Variants in RAP1GDS1 observed in about 807,000 individuals in gnomAD.
RAP1GDS1 encodes Rap1 GTPase-GDP dissociation stimulator 1.
In RAP1GDS1, 35 loss-of-function variants were observed where a neutral mutation model predicts 71.1. The observed-to-expected ratio is 0.49, with a 90% CI of 0.38 to 0.65. The LOEUF (loss-of-function observed/expected upper bound fraction) is 0.65, where lower values mean the gene tolerates loss of function less well. Ranked by LOEUF, RAP1GDS1 falls within the 30% of genes least tolerant of loss-of-function variation. The pLI is 0.00. For missense variants in RAP1GDS1, 663 were observed against 706.1 expected (o/e 0.94, Z 0.69); for synonymous variants, 229 against 243.1 (o/e 0.94, Z 0.54).
intron 2 of RAP1GDS1, among the ~76,000 whole-genome samples, chr4:98,310,759 G>A (rs1048122326): frequency 2.6e-5 from 4 of 151,922 alleles, no homozygotes; most frequent in Non-Finnish European, 4.4e-5. Context: ...TTGAGCACTT[G>A]AACGGCAAAG....
intron 4 of RAP1GDS1, among the ~76,000 whole-genome samples, chr4:98,361,076 CAA>C (rs1210869882): frequency 7.1e-4 from 58 of 82,028 alleles, no homozygotes; most frequent in Admixed American, 1.0e-3. Context: ...GACTCTGTCT[CAA>C]AAAAAAAAAA....
At chr4:98,374,989 A>G (rs569465629) in intron 4 of RAP1GDS1, among the ~76,000 whole-genome samples, 2 of 152,338 alleles carry the variant, frequency 1.3e-5, no homozygotes, top group South Asian at 2.1e-4. Flanking sequence ...ACAGTGTTGT[A>G]TTATATTCTA....
chr4:98,406,025 T>G (rs1746062086), intron 7 of RAP1GDS1, among the ~76,000 whole-genome samples: 1 of 152,072 alleles, frequency 6.6e-6, no homozygotes, highest in Admixed American at 6.6e-5. Context: ...TTAGTCACTT[T>G]TAACTTTTAA....
intron 4 of RAP1GDS1, among the ~76,000 whole-genome samples, chr4:98,354,392 AGTT>A (rs1737660297): frequency 6.6e-6 from 1 of 152,158 alleles, no homozygotes; most frequent in Non-Finnish European, 1.5e-5. Context: ...TGTTCATTTT[AGTT>A]GTTCTTGAAT....
At position 98,362,643 on chromosome 4, in the gene RAP1GDS1, A is replaced by G. The variant is rs181321310; in HGVS notation, c.361+10042A>G. Among the ~76,000 whole-genome samples the G allele has an allele frequency of 4.1e-4, 63 of 152,346 alleles. No individual in the cohort carries two copies. In the East Asian group the frequency reaches 0.012, roughly 29 times the overall value. ...TGGCCAGTATTTCAGACTTAGAAAA[A>G]TACGTTGCTGCTCATGATTTACATC... On this transcript the variant is annotated intron_variant, in intron 4 of 14. Coordinates refer to ENST00000408927, the MANE Select transcript of RAP1GDS1 (RefSeq NM_001100427.2).
intron 1 of RAP1GDS1, among the ~76,000 whole-genome samples, chr4:98,264,344 C>T (rs1377780102): frequency 6.6e-6 from 1 of 151,860 alleles, no homozygotes; most frequent in South Asian, 2.1e-4. Flanking sequence ...TGCAGTGAGC[C>T]GAGATCATGC....
intron 6 of RAP1GDS1, among the ~76,000 whole-genome samples, chr4:98,392,570 T>C (rs1743873126): frequency 6.6e-6 from 1 of 152,026 alleles, no homozygotes; most frequent in Admixed American, 6.6e-5. Context: ...GTGTGGTGGC[T>C]AGTGCCAGTA....
intron 1 of RAP1GDS1, 92 bp downstream of exon 1, chr4:98,261,661 G>T: frequency 1.4e-6 from 2 of 1,454,270 alleles, no homozygotes; most frequent in Admixed American, 2.0e-5. Flanking sequence ...CAAAGTTGCC[G>T]GATTTCTCCA....
chr4:98,412,677 C>T (rs1456446784), intron 7 of RAP1GDS1, among the ~76,000 whole-genome samples: 2 of 152,104 alleles, frequency 1.3e-5, no homozygotes, highest in Non-Finnish European at 2.9e-5. Flanking sequence ...CCCAATATTT[C>T]AATGTATGTT....
intron 2 of RAP1GDS1, among the ~76,000 whole-genome samples, chr4:98,335,396 GT>G (rs1430692763): frequency 1.3e-5 from 2 of 152,090 alleles, no homozygotes. Flanking sequence ...TTCTGTGATA[GT>G]TTTTGTTATC....
At chr4:98,403,014 T>C (rs114210690) in intron 6 of RAP1GDS1, among the ~76,000 whole-genome samples, 1 of 152,200 alleles carries the variant, frequency 6.6e-6, no homozygotes, top group East Asian at 1.9e-4. Flanking sequence ...GCATCAACTC[T>C]AGGTGGGAAA....
intron 1 of RAP1GDS1, among the ~76,000 whole-genome samples, chr4:98,274,240 T>C (rs1723888037): frequency 6.6e-6 from 1 of 152,018 alleles, no homozygotes; most frequent in South Asian, 2.1e-4. Context: ...GAAAATTTCG[T>C]TTGTGACCTC....
At chr4:98,282,336 G>T (rs1442561555) in intron 1 of RAP1GDS1, among the ~76,000 whole-genome samples, 1 of 152,114 alleles carries the variant, frequency 6.6e-6, no homozygotes, top group Non-Finnish European at 1.5e-5. Context: ...GTTTAGTCTT[G>T]GGAGGGTGTA....
chr4:98,303,309 G>A (rs185787363), intron 2 of RAP1GDS1, among the ~76,000 whole-genome samples: 17 of 152,188 alleles, frequency 1.1e-4, no homozygotes, highest in African/African-American at 4.1e-4. Flanking sequence ...CTTCAACATG[G>A]CTGTTGAGCA....
chr4:98,377,712 A>AAAG (rs1350033517), intron 4 of RAP1GDS1, among the ~76,000 whole-genome samples: 2 of 151,816 alleles, frequency 1.3e-5, no homozygotes, highest in African/African-American at 4.8e-5. Flanking sequence ...CAACAGTAAT[A>AAAG]AAGATGTGAC....
In RAP1GDS1 at chr4:98,442,282, C is replaced by G; in HGVS notation, c.*165C>G. On this transcript the variant is annotated 3_prime_UTR_variant, in exon 15 of 15. Transcript: ENST00000408927. ...TACCTCCCTAATAAGATTTCTAAAC[C>G]TATAGTTAGTGTGATCATGACTTTG... 1 of 943,408 alleles carries G rather than the reference C, an allele frequency of 1.1e-6. No homozygotes were observed. The highest frequency in any genetic ancestry group is 1.5e-6 in the Non-Finnish European group (1 of 672,716). The allele number at this position is 943,408 out of a possible 1,614,324, so 58.4% of individuals were successfully genotyped here.
At chr4:98,367,876 A>T (rs1739752413) in intron 4 of RAP1GDS1, among the ~76,000 whole-genome samples, 1 of 151,992 alleles carries the variant, frequency 6.6e-6, no homozygotes, top group African/African-American at 2.4e-5. Flanking sequence ...GGCAGAAGGG[A>T]TTTGCTTTGT....
intron 1 of RAP1GDS1, among the ~76,000 whole-genome samples, chr4:98,269,048 A>C (rs1349295046): frequency 6.6e-6 from 1 of 152,020 alleles, no homozygotes; most frequent in Non-Finnish European, 1.5e-5. Context: ...TACATGCTTC[A>C]AGTCATGTTA....
At chr4:98,424,298 G>T (rs10032440) in intron 12 of RAP1GDS1, among the ~76,000 whole-genome samples, 21,351 of 152,058 alleles carry the variant, frequency 0.14, 2,170 homozygotes, top group African/African-American at 0.28. Context: ...CCATTGGTTT[G>T]CAGGGGTATA....
Sources: gnomAD v4.1 joint callset for allele counts (sites outside exome capture counted in the v4.1 genomes callset) on GRCh38, gnomAD v4.1.1 for gene constraint, MANE v1.5 for transcripts, NCBI Gene and HGNC (gene_info 2026-07-23, HGNC 2026-07-21) for gene names.